ERBB4: variants seen among roughly 807,000 people sequenced by gnomAD.
ERBB4 encodes the protein receptor tyrosine-protein kinase erbB-4.
ERBB4 carries 42 observed loss-of-function variants against 158.0 expected under a neutral mutation model. That is an observed-to-expected ratio of 0.27 (90% CI 0.21 to 0.34). ERBB4 has a LOEUF of 0.34. ERBB4 is among the 10% of genes least tolerant of loss of function. The probability of loss-of-function intolerance (pLI) is 1.00; values close to 1 mark genes in which losing one functional copy is unlikely to be tolerated. For synonymous variants in ERBB4, 583 were observed against 558.7 expected (o/e 1.04, Z -0.61); for missense variants, 1,333 against 1,624.1 (o/e 0.82, Z 3.08).
intron 1 of ERBB4, among the ~76,000 whole-genome samples, chr2:212,359,439 T>C (rs990704687): frequency 3.4e-5 from 5 of 147,334 alleles, no homozygotes; most frequent in African/African-American, 1.3e-4. Context: ...ATAAAATCTA[T>C]TTCAAATTGC....
intron 1 of ERBB4, among the ~76,000 whole-genome samples, chr2:212,168,588 G>A (rs2081420061): frequency 6.6e-6 from 1 of 152,116 alleles, no homozygotes; most frequent in South Asian, 2.1e-4. Context: ...ATTAGGATAC[G>A]AGTACCCTGT....
intron 1 of ERBB4, among the ~76,000 whole-genome samples, chr2:212,378,593 A>G (rs1310286352): frequency 6.6e-6 from 1 of 150,922 alleles, no homozygotes; most frequent in Non-Finnish European, 1.5e-5. Context: ...CAAAGCGCTC[A>G]TTTTTTTTTC....
chr2:211,401,930 TTATAA>T (rs1015497898), intron 25 of ERBB4, among the ~76,000 whole-genome samples: 7 of 151,524 alleles, frequency 4.6e-5, no homozygotes, highest in African/African-American at 1.7e-4. Flanking sequence ...TATGTCACAA[TTATAA>T]TATAATAATA....
chr2:211,669,041 G>A (rs868221985), intron 14 of ERBB4, among the ~76,000 whole-genome samples: 17 of 151,670 alleles, frequency 1.1e-4, no homozygotes, highest in African/African-American at 4.1e-4. Context: ...TGGGCAACAT[G>A]GTGAAACCCC....
At chr2:212,310,832 A>G (rs1034370318) in intron 1 of ERBB4, among the ~76,000 whole-genome samples, 3 of 150,342 alleles carry the variant, frequency 2.0e-5, no homozygotes, top group Non-Finnish European at 4.5e-5. Context: ...GTAGAATGTA[A>G]AATGTTCTCG....
intron 16 of ERBB4, among the ~76,000 whole-genome samples, chr2:211,642,069 G>A (rs1048387633): frequency 6.6e-6 from 1 of 151,976 alleles, no homozygotes; most frequent in African/African-American, 2.4e-5. Flanking sequence ...TCCACTTGAT[G>A]TGACTCTTTA....
At chr2:211,391,888 C>T (rs936352054) in intron 25 of ERBB4, among the ~76,000 whole-genome samples, 4 of 152,124 alleles carry the variant, frequency 2.6e-5, no homozygotes, top group South Asian at 4.2e-4. Flanking sequence ...AAAATACAGG[C>T]CTAATGCCTA....
chr2:211,450,663 G>A (rs1306467446), intron 20 of ERBB4, among the ~76,000 whole-genome samples: 1 of 152,164 alleles, frequency 6.6e-6, no homozygotes, highest in Non-Finnish European at 1.5e-5. Context: ...GGTGATATAT[G>A]CAGGACTAAT....
chr2:211,466,127 A>G (rs2064680898), intron 20 of ERBB4, among the ~76,000 whole-genome samples: 1 of 152,106 alleles, frequency 6.6e-6, no homozygotes, highest in South Asian at 2.1e-4. Context: ...TTCTGAGAGA[A>G]ATGTTCTCAA....
chr2:212,151,614 C>T (rs1219176813), intron 1 of ERBB4, among the ~76,000 whole-genome samples: 1 of 152,122 alleles, frequency 6.6e-6, no homozygotes, highest in East Asian at 1.9e-4. Context: ...CATGGCTGGG[C>T]ATGGTGGCTC....
intron 1 of ERBB4, among the ~76,000 whole-genome samples, chr2:212,223,364 A>C (rs1211542916): frequency 1.4e-5 from 2 of 147,042 alleles, no homozygotes; most frequent in Non-Finnish European, 3.0e-5. Context: ...TTGTCTTTTC[A>C]GCAAGATAGA....
At chr2:212,290,691 C>T (rs568316808) in intron 1 of ERBB4, among the ~76,000 whole-genome samples, 1 of 151,900 alleles carries the variant, frequency 6.6e-6, no homozygotes, top group Admixed American at 6.6e-5. Context: ...CGTGTGTGCA[C>T]GTACACATGC....
At chr2:212,389,015 T>C (rs2090767646) in intron 1 of ERBB4, among the ~76,000 whole-genome samples, 1 of 152,150 alleles carries the variant, frequency 6.6e-6, no homozygotes, top group African/African-American at 2.4e-5. Flanking sequence ...GCAGCTTTTA[T>C]GTGATCTGAG....
intron 19 of ERBB4, among the ~76,000 whole-genome samples, chr2:211,606,302 A>G (rs1399439170): frequency 6.6e-6 from 1 of 152,120 alleles, no homozygotes; most frequent in Non-Finnish European, 1.5e-5. Flanking sequence ...TTTCCTTAAT[A>G]GTTACACATG....
At chr2:211,681,127 A>G (rs2072316219) in intron 12 of ERBB4, among the ~76,000 whole-genome samples, 1 of 152,108 alleles carries the variant, frequency 6.6e-6, no homozygotes, top group African/African-American at 2.4e-5. Flanking sequence ...CTGTTTTTAT[A>G]TAGTTTCTTT....
intron 2 of ERBB4, among the ~76,000 whole-genome samples, chr2:211,992,197 G>C (rs2082089154): frequency 6.6e-6 from 1 of 152,050 alleles, no homozygotes; most frequent in Admixed American, 6.6e-5. Flanking sequence ...AAACACACCA[G>C]AGACTGGGAA....
At position 212,502,919 on chromosome 2, in the gene ERBB4, T is replaced by C. The variant is rs895928891; in HGVS notation, c.82+35530A>G. On this transcript the variant is annotated intron_variant, in intron 1 of 27. Coordinates refer to ENST00000342788, the MANE Select transcript of ERBB4 (RefSeq NM_005235.3). ...CTGAGTAGCTGGGACTACAGGAACA[T>C]GCCACCATGCCCAGCTAATTTTTCG... 2.0e-5 allele frequency among the ~76,000 whole-genome samples: 3 copies of C among 152,010 alleles called. No homozygotes were observed. In the South Asian group the frequency reaches 6.2e-4, roughly 32 times the overall value.
At chr2:211,941,716 CT>C (rs57686734) in intron 3 of ERBB4, among the ~76,000 whole-genome samples, 85 of 132,936 alleles carry the variant, frequency 6.4e-4, no homozygotes, top group Admixed American at 9.8e-4. Context: ...ATTTGGAACA[CT>C]TTTTTTTTTT....
intron 3 of ERBB4, among the ~76,000 whole-genome samples, chr2:211,870,495 A>T (rs564745267): frequency 5.3e-5 from 8 of 152,136 alleles, no homozygotes. Flanking sequence ...AGATATCTAC[A>T]TCGAAATAAG....
Sources: allele counts gnomAD v4.1 joint callset (sites outside exome capture counted in the v4.1 genomes callset), GRCh38; gene constraint gnomAD v4.1.1; transcripts MANE v1.5; gene names NCBI Gene and HGNC (gene_info 2026-07-23, HGNC 2026-07-21).